The following ASTN2 variants were observed in gnomAD, a reference collection of about 807,000 sequenced individuals.
ASTN2 encodes the protein astrotactin 2.
Under a neutral mutation model 139.8 loss-of-function variants are expected in ASTN2, and 54 were observed. The observed-to-expected ratio is 0.39, with a 90% CI of 0.31 to 0.48. ASTN2 has a LOEUF of 0.48. Ranked by LOEUF, ASTN2 falls within the 20% of genes least tolerant of loss-of-function variation. The pLI is 0.95. For synonymous variants in ASTN2, 756 were observed against 719.5 expected (o/e 1.05, Z -0.81); for missense variants, 1,565 against 1,725.1 (o/e 0.91, Z 1.64).
chr9:116,808,045 T>C (rs1831072104), intron 12 of ASTN2, among the ~76,000 whole-genome samples: 1 of 151,702 alleles, frequency 6.6e-6, no homozygotes. Context: ...ACCTGGGAAG[T>C]GGGGGTTGTA....
intron 19 of ASTN2, among the ~76,000 whole-genome samples, chr9:116,501,635 A>G (rs1199270349): frequency 6.8e-6 from 1 of 146,820 alleles, no homozygotes; most frequent in African/African-American, 2.5e-5. Flanking sequence ...CTGTTGTCAT[A>G]GGTGGGAATT....
At chr9:117,141,690 T>C (rs571734737) in intron 3 of ASTN2, among the ~76,000 whole-genome samples, 21 of 152,340 alleles carry the variant, frequency 1.4e-4, no homozygotes, top group African/African-American at 5.0e-4. Context: ...GATTACATAC[T>C]TATGTATTCA....
intron 1 of ASTN2, among the ~76,000 whole-genome samples, chr9:117,328,629 G>C (rs1390010693): frequency 6.6e-6 from 1 of 152,190 alleles, no homozygotes; most frequent in Admixed American, 6.5e-5. Context: ...ATGCCTGAGA[G>C]GGACTGCTTA....
intron 5 of ASTN2, among the ~76,000 whole-genome samples, chr9:117,083,715 A>T (rs948183977): frequency 6.6e-6 from 1 of 152,162 alleles, no homozygotes; most frequent in African/African-American, 2.4e-5. Context: ...CAAGAAAGCA[A>T]GAGAGACTGA....
At chr9:116,431,918 A>C (rs960921438) in intron 22 of ASTN2, among the ~76,000 whole-genome samples, 1 of 151,996 alleles carries the variant, frequency 6.6e-6, no homozygotes, top group East Asian at 1.9e-4. Flanking sequence ...AAAATAATAA[A>C]AAATGTAAAG....
chr9:116,673,913 A>C (rs77514459), intron 16 of ASTN2, among the ~76,000 whole-genome samples: 3 of 152,330 alleles, frequency 2.0e-5, no homozygotes, highest in Middle Eastern at 6.8e-3. Context: ...AAAGAGATCT[A>C]ACTTAACTGA....
intron 1 of ASTN2, among the ~76,000 whole-genome samples, chr9:117,388,347 T>C (rs1267115931): frequency 4.6e-5 from 7 of 152,170 alleles, no homozygotes; most frequent in African/African-American, 1.4e-4. Flanking sequence ...ATGAGACATA[T>C]ATATCAGGCC....
intron 13 of ASTN2, among the ~76,000 whole-genome samples, chr9:116,783,769 A>C (rs1012683896): frequency 1.8e-4 from 27 of 152,272 alleles, no homozygotes; most frequent in African/African-American, 6.3e-4. Context: ...CAGGGTGTAA[A>C]GAGCTATGGG....
intron 11 of ASTN2, among the ~76,000 whole-genome samples, chr9:116,854,718 C>T (rs1832693799): frequency 1.4e-5 from 2 of 148,070 alleles, no homozygotes; most frequent in Admixed American, 6.8e-5. Context: ...GTGGCACCAT[C>T]TTGGCTCACT....
chr9:116,875,218 A>G (rs889323367), intron 10 of ASTN2, among the ~76,000 whole-genome samples: 5 of 152,228 alleles, frequency 3.3e-5, no homozygotes, highest in African/African-American at 4.8e-5. Context: ...AAAGTTCTTA[A>G]AGGAAATTAG....
chr9:116,445,620 A>G (rs895154628), intron 20 of ASTN2, among the ~76,000 whole-genome samples: 1 of 152,090 alleles, frequency 6.6e-6, no homozygotes, highest in Non-Finnish European at 1.5e-5. Context: ...GGTCTTAGGT[A>G]TTCATGTCAT....
At chr9:116,750,678 G>C (rs1403467365) in intron 13 of ASTN2, among the ~76,000 whole-genome samples, 1 of 152,130 alleles carries the variant, frequency 6.6e-6, no homozygotes, top group Non-Finnish European at 1.5e-5. Flanking sequence ...CTAATGAGGA[G>C]CCCTGACCAT....
intron 4 of ASTN2, among the ~76,000 whole-genome samples, chr9:117,122,305 T>A (rs551560399): frequency 1.3e-5 from 2 of 152,218 alleles, no homozygotes; most frequent in South Asian, 4.1e-4. Context: ...GACTCTCACA[T>A]AAGATGAGAG....
intron 2 of ASTN2, among the ~76,000 whole-genome samples, chr9:117,248,013 A>G (rs140921471): frequency 2.0e-5 from 3 of 152,326 alleles, no homozygotes; most frequent in Non-Finnish European, 2.9e-5. Context: ...GACAATGAAA[A>G]TGAGGCCCAG....
At chr9:116,826,050 A>G (rs1013914223) in intron 11 of ASTN2, among the ~76,000 whole-genome samples, 7 of 152,170 alleles carry the variant, frequency 4.6e-5, no homozygotes, top group Non-Finnish European at 8.8e-5. Flanking sequence ...CTTCTTGCTC[A>G]CCTTTCTTGC....
chr9:116,536,383 G>C (rs1174856242), intron 19 of ASTN2, among the ~76,000 whole-genome samples: 1 of 152,082 alleles, frequency 6.6e-6, no homozygotes, highest in Non-Finnish European at 1.5e-5. Context: ...GTCCAGCTTT[G>C]TTCTGTTGCT....
Position 116,425,320 on chromosome 9 carries a change from CAAT to C in ASTN2, c.*528_*530del. ...AGGAAGAGGCAGGGTCCCACAAACT[CAAT>C]AATGTCCAGCAAAAAAGAGAGAGAA... On this transcript the variant is annotated 3_prime_UTR_variant, in exon 23 of 23. Coordinates refer to ENST00000313400, the MANE Select transcript of ASTN2 (RefSeq NM_001365068.1). 2.0e-6 allele frequency: 1 copy of C among 510,842 alleles called. No homozygotes were observed. Among genetic ancestry groups the C allele is most frequent in the Non-Finnish European group, 3.5e-6 (1 of 286,470 alleles). The allele number at this position is 510,842 out of a possible 1,614,324, so 31.6% of individuals were successfully genotyped here.
At chr9:117,382,908 A>G (rs1284377662) in intron 1 of ASTN2, among the ~76,000 whole-genome samples, 2 of 152,308 alleles carry the variant, frequency 1.3e-5, no homozygotes, top group Non-Finnish European at 2.9e-5. Flanking sequence ...TATTAGACTG[A>G]GAAAAGATGT....
intron 14 of ASTN2, among the ~76,000 whole-genome samples, chr9:116,731,444 C>A (rs529607453): frequency 6.6e-6 from 1 of 151,796 alleles, no homozygotes; most frequent in African/African-American, 2.4e-5. Flanking sequence ...GTTTTTGAGA[C>A]AGAGTTTCAC....
Sources: gnomAD v4.1 joint callset for allele counts (sites outside exome capture counted in the v4.1 genomes callset) on GRCh38, gnomAD v4.1.1 for gene constraint, MANE v1.5 for transcripts, NCBI Gene and HGNC (gene_info 2026-07-23, HGNC 2026-07-21) for gene names.